The following BABAM2 variants were observed in gnomAD, a reference collection of about 807,000 sequenced individuals.
BABAM2 encodes BRISC and BRCA1-A complex member 2.
In BABAM2, 31 loss-of-function variants were observed where a neutral mutation model predicts 54.7. That is an observed-to-expected ratio of 0.57 (90% confidence interval 0.43 to 0.77). The LOEUF is 0.77. Ranked by LOEUF, BABAM2 falls within the 30% of genes least tolerant of loss-of-function variation. BABAM2 has a pLI of 0.00. For synonymous variants in BABAM2, 167 were observed against 162.9 expected, an observed-to-expected ratio of 1.03 and a Z score of -0.19; for missense variants, 364 against 455.8, an observed-to-expected ratio of 0.80 and a Z score of 1.83.
At chr2:28,195,578 A>C (rs1677434828) in intron 7 of BABAM2, among the ~76,000 whole-genome samples, 1 of 152,226 alleles carries the variant, frequency 6.6e-6, no homozygotes, top group African/African-American at 2.4e-5. Flanking sequence ...GGAGAAGTCT[A>C]TCAAGAGGGC....
intron 2 of BABAM2, among the ~76,000 whole-genome samples, chr2:27,918,131 T>C (rs1667110891): frequency 6.6e-6 from 1 of 152,252 alleles, no homozygotes; most frequent in Non-Finnish European, 1.5e-5. Flanking sequence ...ACTATTTTAA[T>C]CATTTTTAAG....
intron 3 of BABAM2, among the ~76,000 whole-genome samples, chr2:27,944,968 A>G (rs928139707): frequency 6.6e-6 from 1 of 150,376 alleles, no homozygotes; most frequent in Non-Finnish European, 1.5e-5. Context: ...TTTCTTGCCA[A>G]CATTAGTATT....
At chr2:28,219,063 A>G (rs1355980926) in intron 7 of BABAM2, among the ~76,000 whole-genome samples, 2 of 152,202 alleles carry the variant, frequency 1.3e-5, no homozygotes, top group African/African-American at 4.8e-5. Context: ...ACCCATGCCA[A>G]TTGATTATCT....
intron 6 of BABAM2, among the ~76,000 whole-genome samples, chr2:28,122,395 G>A (rs1219499154): frequency 6.6e-6 from 1 of 152,136 alleles, no homozygotes; most frequent in Non-Finnish European, 1.5e-5. Flanking sequence ...CTTGAGCCCA[G>A]GTGTTTAAGG....
intron 4 of BABAM2, among the ~76,000 whole-genome samples, chr2:27,997,759 T>A (rs1426024082): frequency 6.6e-6 from 1 of 152,174 alleles, no homozygotes; most frequent in African/African-American, 2.4e-5. Context: ...AATATAACAT[T>A]TAGCAGATGT....
intron 7 of BABAM2, among the ~76,000 whole-genome samples, chr2:28,184,285 TCCCCCCCTCC>T (rs1558415644): frequency 2.4e-4 from 25 of 102,182 alleles, no homozygotes; most frequent in East Asian, 3.5e-4. Flanking sequence ...TCTCTCTCTC[TCCCCCCCTCC>T]CTCTCTCCCT....
intron 10 of BABAM2, among the ~76,000 whole-genome samples, chr2:28,283,431 G>A (rs923842421): frequency 1.5e-4 from 23 of 152,202 alleles, no homozygotes; most frequent in African/African-American, 5.3e-4. Flanking sequence ...GATAGCCAGA[G>A]GAAGTAACTC....
chr2:28,141,160 T>C (rs1294730581), intron 7 of BABAM2, among the ~76,000 whole-genome samples: 8 of 152,124 alleles, frequency 5.3e-5, no homozygotes, highest in African/African-American at 1.9e-4. Flanking sequence ...ATGTGGATTT[T>C]GGGGGCATAA....
intron 6 of BABAM2, among the ~76,000 whole-genome samples, chr2:28,073,816 T>G (rs1370501364): frequency 6.6e-6 from 1 of 152,130 alleles, no homozygotes; most frequent in Non-Finnish European, 1.5e-5. Context: ...AGATTGTTTT[T>G]AACTTTTTGG....
chr2:28,103,993 C>G (rs1025140849), intron 6 of BABAM2, among the ~76,000 whole-genome samples: 2 of 152,100 alleles, frequency 1.3e-5, no homozygotes, highest in African/African-American at 4.8e-5. Context: ...TTTTTTTAAC[C>G]CTTATATTCT....
chr2:28,075,069 T>C (rs1156815249), intron 6 of BABAM2, among the ~76,000 whole-genome samples: 2 of 152,148 alleles, frequency 1.3e-5, no homozygotes, highest in Non-Finnish European at 2.9e-5. Context: ...TGGGGACACA[T>C]CTGCATTGAT....
At chr2:28,025,449 A>T (rs1675583456) in intron 5 of BABAM2, 29 bp downstream of exon 5, 5 of 1,532,798 alleles carry the variant, frequency 3.3e-6, no homozygotes, top group African/African-American at 2.8e-5. Flanking sequence ...GGAAAAAAAG[A>T]TGACTTCATC....
intron 7 of BABAM2, among the ~76,000 whole-genome samples, chr2:28,136,579 T>C (rs1217033680): frequency 6.6e-6 from 1 of 152,248 alleles, no homozygotes; most frequent in Non-Finnish European, 1.5e-5. Flanking sequence ...AGGAGGATAC[T>C]TTCCTTTATG....
chr2:27,982,313 A>G (rs1402065922), intron 3 of BABAM2, among the ~76,000 whole-genome samples: 1 of 152,046 alleles, frequency 6.6e-6, no homozygotes, highest in East Asian at 1.9e-4. Context: ...CACTTTCTAG[A>G]TAGTCTCATT....
chr2:28,069,563 C>T (rs1663929659), intron 6 of BABAM2, among the ~76,000 whole-genome samples: 1 of 152,138 alleles, frequency 6.6e-6, no homozygotes, highest in Non-Finnish European at 1.5e-5. Flanking sequence ...TAAGATTGCC[C>T]TGCTACCATG....
At chr2:28,010,809 G>A (rs1049227589) in intron 4 of BABAM2, among the ~76,000 whole-genome samples, 1 of 152,002 alleles carries the variant, frequency 6.6e-6, no homozygotes, top group Non-Finnish European at 1.5e-5. Flanking sequence ...CTCCCATTGT[G>A]TTAACTTTTA....
intron 7 of BABAM2, among the ~76,000 whole-genome samples, chr2:28,218,175 A>G (rs945181168): frequency 3.3e-5 from 5 of 152,162 alleles, no homozygotes; most frequent in African/African-American, 9.7e-5. Flanking sequence ...TTGGGGCCAC[A>G]TTGTACTTCA....
intron 9 of BABAM2, 63 bp downstream of exon 9, chr2:28,241,456 TG>T: frequency 6.8e-7 from 1 of 1,480,086 alleles, no homozygotes. Context: ...GACCTCAACA[TG>T]GGGGCTTGAT....
intron 6 of BABAM2, among the ~76,000 whole-genome samples, chr2:28,084,312 G>A (rs1368031743): frequency 6.6e-6 from 1 of 152,148 alleles, no homozygotes; most frequent in Non-Finnish European, 1.5e-5. Context: ...GAGAGGTGTC[G>A]TTTGGTGAGG....
Sources: gnomAD v4.1 joint callset for allele counts (sites outside exome capture counted in the v4.1 genomes callset) on GRCh38, gnomAD v4.1.1 for gene constraint, MANE v1.5 for transcripts, NCBI Gene and HGNC (gene_info 2026-07-23, HGNC 2026-07-21) for gene names.